HACD4: variants seen among roughly 807,000 people sequenced by gnomAD.
HACD4 encodes 3-hydroxyacyl-CoA dehydratase 4.
In HACD4, 35 loss-of-function variants were observed where a neutral mutation model predicts 33.3. That is an observed-to-expected ratio of 1.05 (90% CI 0.80 to 1.39). The LOEUF (loss-of-function observed/expected upper bound fraction) is 1.39, where lower values mean the gene tolerates loss of function less well. HACD4 is among the 40% of genes most tolerant of loss of function. The pLI, the probability that HACD4 is intolerant of heterozygous loss-of-function variation, is 0.00. For missense variants in HACD4, 323 were observed against 276.5 expected (o/e 1.17, Z -1.19); for synonymous variants, 118 against 98.0 (o/e 1.20, Z -1.21).
intron 3 of HACD4, among the ~76,000 whole-genome samples, chr9:21,021,730 G>C (rs1817918768): frequency 6.6e-6 from 1 of 152,028 alleles, no homozygotes; most frequent in African/African-American, 2.4e-5. Context: ...AAATAAAAGA[G>C]GACACAAACA....
chr9:21,022,052 A>G (rs1486209967), intron 3 of HACD4, among the ~76,000 whole-genome samples: 1 of 152,222 alleles, frequency 6.6e-6, no homozygotes, highest in Non-Finnish European at 1.5e-5. Flanking sequence ...ATGGAACAGA[A>G]GAGAGCCCTC....
intron 6 of HACD4, among the ~76,000 whole-genome samples, chr9:21,007,803 G>T (rs778021311): frequency 1.3e-5 from 2 of 152,058 alleles, no homozygotes; most frequent in African/African-American, 4.8e-5. Flanking sequence ...TAGTAAAATT[G>T]TTCTTATTTG....
chr9:21,031,616 C>G lies in HACD4; in HGVS notation c.-26G>C. 3 of 1,411,806 alleles carry G rather than the reference C, an allele frequency of 2.1e-6. No individual in the cohort carries two copies. The highest frequency in any genetic ancestry group is 2.8e-6 in the Non-Finnish European group (3 of 1,089,260). The allele number at this position is 1,411,806 out of a possible 1,614,324, so 87.5% of individuals were successfully genotyped here. On this transcript the variant is annotated 5_prime_UTR_variant, in exon 1 of 7. Coordinates refer to ENST00000495827, the MANE Select transcript of HACD4 (RefSeq NM_001010915.5). ...GGGCCGCCGCCGCCAGGGCTTCCAGCGCGGTCCAGGAAGGAGTACCGGGGA... is the reference window on the plus strand; with the variant it reads ...GGGCCGCCGCCGCCAGGGCTTCCAGGGCGGTCCAGGAAGGAGTACCGGGGA...
intron 3 of HACD4, among the ~76,000 whole-genome samples, chr9:21,025,690 C>T (rs1218425985): frequency 1.3e-5 from 2 of 152,098 alleles, no homozygotes; most frequent in African/African-American, 4.8e-5. Flanking sequence ...CAATGATTTT[C>T]TACATGAAGT....
At chr9:21,008,470 A>T (rs1842328435) in intron 5 of HACD4, among the ~76,000 whole-genome samples, 1 of 152,182 alleles carries the variant, frequency 6.6e-6, no homozygotes, top group South Asian at 2.1e-4. Context: ...AGAGAGATGA[A>T]CTTGGAAAAT....
At chr9:21,024,430 C>T (rs372495754) in intron 3 of HACD4, among the ~76,000 whole-genome samples, 48 of 152,312 alleles carry the variant, frequency 3.2e-4, no homozygotes, top group African/African-American at 8.9e-4. Context: ...AATAAAAGGT[C>T]TCAATGTATA....
In HACD4 at chr9:21,003,530, T is replaced by A. The variant is rs1842200289; in HGVS notation, c.*3507A>T. 1 of 152,148 alleles carries A rather than the reference T, an allele frequency of 6.6e-6. No homozygotes were observed. Among genetic ancestry groups the A allele is most frequent in the Non-Finnish European group, 1.5e-5 (1 of 68,012 alleles). The allele number at this position is 152,148 out of a possible 1,614,324, so 9.4% of individuals were successfully genotyped here. A position where few individuals can be genotyped will look rare whatever the true frequency, so the allele number is the denominator to read the frequency against. On this transcript the variant is annotated 3_prime_UTR_variant, in exon 7 of 7. Transcript: ENST00000495827. Reference sequence around the variant, plus strand: ...GTAGCTTTTTAAAAGGATAATTTTTTAAAATCCAAATATATTTATAAAGAT... The same window carrying A: ...GTAGCTTTTTAAAAGGATAATTTTTAAAAATCCAAATATATTTATAAAGAT...
At chr9:21,007,585 T>G (rs1842300594) in intron 6 of HACD4, among the ~76,000 whole-genome samples, 1 of 152,176 alleles carries the variant, frequency 6.6e-6, no homozygotes, top group Admixed American at 6.5e-5. Context: ...TTCCATACAT[T>G]TCTCTTGAGT....
chr9:21,010,471 A>C (rs941025831), intron 5 of HACD4, among the ~76,000 whole-genome samples: 3 of 60,278 alleles, frequency 5.0e-5, no homozygotes, highest in African/African-American at 1.0e-4. Context: ...CCCCCCCCCC[A>C]GAGCTTACAG....
At chr9:21,018,464 T>C (rs2132785213) in intron 3 of HACD4, among the ~76,000 whole-genome samples, 1 of 152,308 alleles carries the variant, frequency 6.6e-6, no homozygotes, top group East Asian at 1.9e-4. Flanking sequence ...TATAGCCTAT[T>C]CTTTAAAAAA....
rs1324190610 is a variant in HACD4 at position 21,003,876 on chromosome 9, C to A, written c.*3161G>T. On this transcript the variant is annotated 3_prime_UTR_variant, in exon 7 of 7. Transcript: ENST00000495827. ...AGTAATAATCCAAAACATGAATTTT[C>A]CTTTTTAAAAAGTACTTAGTATATT... The A allele has an allele frequency of 6.6e-5, 10 of 152,020 alleles. No homozygotes were observed. Among genetic ancestry groups the A allele is most frequent in the African/African-American group, 2.4e-4 (10 of 41,382 alleles). The allele number at this position is 152,020 out of a possible 1,614,324, so 9.4% of individuals were successfully genotyped here. A position where few individuals can be genotyped will look rare whatever the true frequency, so the allele number is the denominator to read the frequency against.
At chr9:21,023,556 C>T (rs2132795046) in intron 3 of HACD4, among the ~76,000 whole-genome samples, 1 of 150,620 alleles carries the variant, frequency 6.6e-6, no homozygotes, top group Non-Finnish European at 1.5e-5. Context: ...AAGAAGAATT[C>T]AGTTGTCACT....
At chr9:21,027,986 T>C (rs773702489) in intron 2 of HACD4, among the ~76,000 whole-genome samples, 1 of 151,358 alleles carries the variant, frequency 6.6e-6, no homozygotes, top group Non-Finnish European at 1.5e-5. Context: ...AATACAAAAA[T>C]TAGCCAGGCA....
intron 5 of HACD4, among the ~76,000 whole-genome samples, chr9:21,009,661 G>A (rs7019308): frequency 0.98 from 148,808 of 152,236 alleles, 72,850 homozygotes; most frequent in East Asian, 1. Flanking sequence ...CTACCACCTC[G>A]CTTACTTTTC....
rs1441367561 is a variant in HACD4 at position 21,007,102 on chromosome 9, T to C, written c.634A>G (p.Ser212Gly). 5 of 1,559,564 alleles carry C rather than the reference T, an allele frequency of 3.2e-6. No homozygotes were observed. In the South Asian group the frequency reaches 3.3e-5, roughly 10 times the overall value. ...TCTCTTCTTTCTGAGTATAGATGAC[T>C]GTAGGTAAAATACATACCTAATATG... ...MLFIGMYFTY[S>G]HLYSERRDIL... The change falls in exon 7 of 7, where the codon AGT (serine) becomes GGT (glycine). Residue 212 changes from serine to glycine, a missense_variant. Ser to Gly is a moderately conservative substitution (Grantham distance 56). Transcript: ENST00000495827.
At chr9:21,014,907 C>G (rs1842520389) in intron 4 of HACD4, among the ~76,000 whole-genome samples, 1 of 152,096 alleles carries the variant, frequency 6.6e-6, no homozygotes, top group Non-Finnish European at 1.5e-5. Context: ...TTGAGCTTCT[C>G]TGACACTGAA....
In HACD4 at chr9:21,002,760, T is replaced by C. The variant is rs966077892; in HGVS notation, c.*4277A>G. On this transcript the variant is annotated 3_prime_UTR_variant, in exon 7 of 7. Coordinates refer to ENST00000495827, the MANE Select transcript of HACD4 (RefSeq NM_001010915.5). ...TTACTGAAAAAAGTTGTCTTAGATA[T>C]GTTTTCAAAATATCTAATGGTTCCT... 8 of 152,314 alleles carry C rather than the reference T, an allele frequency of 5.3e-5. No homozygotes were observed. The highest frequency in any genetic ancestry group is 4.6e-4 in the Admixed American group (7 of 15,296). The allele number at this position is 152,314 out of a possible 1,614,324, so 9.4% of individuals were successfully genotyped here.
chr9:21,015,737 A>T (rs1842539940), intron 4 of HACD4, 161 bp downstream of exon 4: 1 of 512,918 alleles, frequency 1.9e-6, no homozygotes, highest in Non-Finnish European at 3.5e-6. Context: ...TATGCCCATT[A>T]TGGAGAACAC....
Position 21,011,583 on chromosome 9 carries a change from T to C in HACD4, c.490+6A>G. 6.4e-7 allele frequency: 1 copy of C among 1,561,618 alleles called. No homozygotes were observed. The highest frequency in any genetic ancestry group is 8.8e-7 in the Non-Finnish European group (1 of 1,133,196). ...TAAGCAATACAGCAAGTCACTCTTT[T>C]CTTACCTTCAGCAAGAACACACAAA... On this transcript the variant is annotated splice_donor_region_variant and intron_variant, in intron 5 of 6. Coordinates refer to ENST00000495827, the MANE Select transcript of HACD4 (RefSeq NM_001010915.5).
Sources: allele counts gnomAD v4.1 joint callset (sites outside exome capture counted in the v4.1 genomes callset), GRCh38; gene constraint gnomAD v4.1.1; transcripts MANE v1.5; gene names NCBI Gene and HGNC (gene_info 2026-07-23, HGNC 2026-07-21).